The following EPHA3 variants were observed in gnomAD, a reference collection of about 807,000 sequenced individuals.
EPHA3 encodes the protein EPH receptor A3.
A neutral mutation model predicts 107.1 loss-of-function variants in EPHA3; 42 were observed. The observed-to-expected ratio is 0.39, with a 90% confidence interval of 0.31 to 0.51. The LOEUF (loss-of-function observed/expected upper bound fraction) is 0.51. Among genes scored for constraint, EPHA3 ranks in the 20% least tolerant of loss-of-function variants. EPHA3 has a pLI of 0.78. For missense variants in EPHA3, 1,183 were observed against 1,211.2 expected, an observed-to-expected ratio of 0.98 and a Z score of 0.35; for synonymous variants, 461 against 424.8, an observed-to-expected ratio of 1.09 and a Z score of -1.05.
intron 2 of EPHA3, among the ~76,000 whole-genome samples, chr3:89,165,593 C>T (rs1705044041): frequency 6.6e-6 from 1 of 152,086 alleles, no homozygotes; most frequent in South Asian, 2.1e-4. Context: ...AAATGCAAGT[C>T]TTATGTTAAT....
intron 2 of EPHA3, among the ~76,000 whole-genome samples, chr3:89,137,132 C>T (rs1165793035): frequency 6.6e-6 from 1 of 151,908 alleles, no homozygotes; most frequent in Non-Finnish European, 1.5e-5. Flanking sequence ...GTATGGCAGA[C>T]TGAATAGGTT....
chr3:89,383,646 T>C (rs1225740037), intron 5 of EPHA3, among the ~76,000 whole-genome samples: 32 of 133,802 alleles, frequency 2.4e-4, no homozygotes, highest in African/African-American at 8.7e-4. Flanking sequence ...CTTCTTTTTT[T>C]TTTTTTTTTT....
At chr3:89,472,352 A>T in intron 15 of EPHA3, 112 bp from the exon 16 acceptor site, 3 of 1,142,048 alleles carry the variant, frequency 2.6e-6, no homozygotes, top group Non-Finnish European at 3.7e-6. Flanking sequence ...CACAAATGAA[A>T]GGAACACCAT....
At chr3:89,166,606 A>G (rs1332266470) in intron 2 of EPHA3, among the ~76,000 whole-genome samples, 1 of 152,192 alleles carries the variant, frequency 6.6e-6, no homozygotes, top group Non-Finnish European at 1.5e-5. Flanking sequence ...TTCTATCCTT[A>G]GCATTTCTCC....
intron 3 of EPHA3, among the ~76,000 whole-genome samples, chr3:89,294,675 G>A (rs1306057300): frequency 6.6e-6 from 1 of 151,800 alleles, no homozygotes; most frequent in African/African-American, 2.4e-5. Context: ...AGTTTTATTT[G>A]GGCCTCCTAA....
chr3:89,450,449 C>T (rs1342792483), intron 15 of EPHA3, 79 bp downstream of exon 15: 1 of 1,416,538 alleles, frequency 7.1e-7, no homozygotes, highest in Non-Finnish European at 9.7e-7. Flanking sequence ...TTTTTTAGCC[C>T]ACCCCCAAAA....
intron 16 of EPHA3, among the ~76,000 whole-genome samples, chr3:89,477,557 T>C (rs1206138472): frequency 6.6e-6 from 1 of 152,184 alleles, no homozygotes; most frequent in Non-Finnish European, 1.5e-5. Context: ...TCTGTGTAGT[T>C]GAATTCCCAA....
At chr3:89,361,047 G>A (rs779212801) in intron 5 of EPHA3, among the ~76,000 whole-genome samples, 1 of 150,922 alleles carries the variant, frequency 6.6e-6, no homozygotes, top group Non-Finnish European at 1.5e-5. Flanking sequence ...AATGGTTTGG[G>A]CACTTGGCAA....
chr3:89,284,459 A>G (rs1264806151), intron 3 of EPHA3, among the ~76,000 whole-genome samples: 3 of 152,098 alleles, frequency 2.0e-5, no homozygotes, highest in Non-Finnish European at 2.9e-5. Flanking sequence ...TATCAGTTAT[A>G]TAATCTTAAG....
chr3:89,242,848 C>CACCCATT (rs1297983049), intron 3 of EPHA3, among the ~76,000 whole-genome samples: 1 of 151,912 alleles, frequency 6.6e-6, no homozygotes, highest in Non-Finnish European at 1.5e-5. Context: ...TGGTGTGCTG[C>CACCCATT]ACCCATTAAC....
At chr3:89,336,301 C>T (rs1486173369) in intron 3 of EPHA3, among the ~76,000 whole-genome samples, 3 of 152,112 alleles carry the variant, frequency 2.0e-5, no homozygotes, top group Admixed American at 6.5e-5. Flanking sequence ...CAATCATTGT[C>T]TTTGCTACTA....
intron 15 of EPHA3, among the ~76,000 whole-genome samples, chr3:89,460,823 C>CTCTTTTTT (rs1199238290): frequency 4.2e-4 from 43 of 102,948 alleles, no homozygotes; most frequent in Middle Eastern, 4.9e-3. Flanking sequence ...CTCTGTCTCT[C>CTCTTTTTT]TTTTTTTTTT....
intron 2 of EPHA3, among the ~76,000 whole-genome samples, chr3:89,146,544 C>A (rs1449611648): frequency 6.6e-6 from 1 of 151,866 alleles, no homozygotes; most frequent in Non-Finnish European, 1.5e-5. Flanking sequence ...GGATATTAGA[C>A]CTTTGTCAGA....
intron 1 of EPHA3, among the ~76,000 whole-genome samples, chr3:89,108,402 ATGGT>A: frequency 6.6e-6 from 1 of 152,322 alleles, no homozygotes; most frequent in East Asian, 1.9e-4. Flanking sequence ...GGTTTGCTCT[ATGGT>A]ACAGGTTCTA....
intron 3 of EPHA3, among the ~76,000 whole-genome samples, chr3:89,315,195 T>TTA (rs1275723133): frequency 6.6e-6 from 1 of 151,890 alleles, no homozygotes; most frequent in African/African-American, 2.4e-5. Flanking sequence ...TATATATTTT[T>TTA]TATATATATG....
intron 13 of EPHA3, among the ~76,000 whole-genome samples, chr3:89,441,358 A>G (rs1709780606): frequency 6.6e-6 from 1 of 152,122 alleles, no homozygotes; most frequent in African/African-American, 2.4e-5. Flanking sequence ...TTTTAGATAC[A>G]CTCCATATGC....
At chr3:89,173,066 T>G (rs1474653866) in intron 2 of EPHA3, among the ~76,000 whole-genome samples, 2 of 152,130 alleles carry the variant, frequency 1.3e-5, no homozygotes, top group Non-Finnish European at 2.9e-5. Context: ...GTTTCATATG[T>G]ACATAGGTAG....
At chr3:89,321,083 T>A (rs1707032957) in intron 3 of EPHA3, among the ~76,000 whole-genome samples, 1 of 152,076 alleles carries the variant, frequency 6.6e-6, no homozygotes, top group Non-Finnish European at 1.5e-5. Flanking sequence ...TTTCAGTATA[T>A]TCACACATGT....
chr3:89,319,893 G>T lies in EPHA3; in HGVS notation c.815-21023G>T, dbSNP rs113988434. Among the ~76,000 whole-genome samples the T allele has an allele frequency of 4.5e-3, 678 of 151,754 alleles. 4 individuals are homozygous for T. Among genetic ancestry groups the T allele is most frequent in the African/African-American group, 0.016 (647 of 41,414 alleles). On this transcript the variant is annotated intron_variant, in intron 3 of 16. Coordinates refer to ENST00000336596, the MANE Select transcript of EPHA3 (RefSeq NM_005233.6). ...ACTAATCTGGAAACTTTTAAAACTC[G>T]TGGGCTTGTTTTTAATAAGTAATGG...
Sources: gnomAD v4.1 joint callset for allele counts (sites outside exome capture counted in the v4.1 genomes callset) on GRCh38, gnomAD v4.1.1 for gene constraint, MANE v1.5 for transcripts, NCBI Gene and HGNC (gene_info 2026-07-23, HGNC 2026-07-21) for gene names.